POF1B: variants seen among roughly 807,000 people sequenced by gnomAD.
POF1B encodes the protein protein POF1B.
In POF1B, 53 loss-of-function variants were observed where a neutral mutation model predicts 55.3. The ratio of observed to expected loss-of-function variants is 0.96; its 90% CI spans 0.77 to 1.20. The LOEUF is 1.20. Among genes scored for constraint, POF1B ranks in the 50% most tolerant of loss-of-function variants. The pLI, the probability that POF1B is intolerant of heterozygous loss-of-function variation, is 0.00. For missense variants in POF1B, 478 were observed against 420.5 expected (o/e 1.14, Z -1.20); for synonymous variants, 188 against 148.3 (o/e 1.27, Z -1.95).
At chrX:85,315,108 T>C (rs1242148728) in intron 8 of POF1B, among the ~76,000 whole-genome samples, 2 of 111,572 alleles carry the variant, frequency 1.8e-5, no homozygotes, top group Non-Finnish European at 3.8e-5. Flanking sequence ...GAATGCAGTA[T>C]GCCAGTACAC....
intron 7 of POF1B, among the ~76,000 whole-genome samples, chrX:85,324,053 A>G (rs1390914635): frequency 9.0e-6 from 1 of 111,353 alleles, no homozygotes; most frequent in Non-Finnish European, 1.9e-5. Context: ...ATCAATTTCT[A>G]TTTTTATTGC....
intron 15 of POF1B, among the ~76,000 whole-genome samples, chrX:85,284,186 C>A (rs1931979551): frequency 2.7e-5 from 3 of 111,699 alleles, no homozygotes; most frequent in African/African-American, 3.3e-5. Flanking sequence ...ACAGTCCATG[C>A]TCATGGGTAG....
chrX:85,282,141 C>A, intron 16 of POF1B, 62 bp downstream of exon 16: 2 of 1,046,953 alleles, frequency 1.9e-6, no homozygotes, highest in Non-Finnish European at 2.5e-6. Context: ...TATTTTACCT[C>A]AATTTTAAAA....
chrX:85,292,541 T>A (rs867419707), intron 15 of POF1B, among the ~76,000 whole-genome samples: 2 of 111,911 alleles, frequency 1.8e-5, no homozygotes, highest in Non-Finnish European at 3.8e-5. Flanking sequence ...TTTGGTAGAA[T>A]TCAGCTGCGA....
chrX:85,339,661 G>A (rs984308327), intron 6 of POF1B, among the ~76,000 whole-genome samples: 1 of 110,825 alleles, frequency 9.0e-6, no homozygotes, highest in Non-Finnish European at 1.9e-5. Context: ...TGAGTAGTGA[G>A]AATATAGCAT....
intron 6 of POF1B, among the ~76,000 whole-genome samples, chrX:85,332,762 G>A (rs1933001897): frequency 9.0e-6 from 1 of 111,415 alleles, no homozygotes. Flanking sequence ...CACAAAAAAA[G>A]TGTAGTATCA....
intron 6 of POF1B, among the ~76,000 whole-genome samples, chrX:85,334,319 G>T (rs1343986415): frequency 9.0e-6 from 1 of 110,876 alleles, no homozygotes; most frequent in African/African-American, 3.3e-5. Context: ...ATACTCATCT[G>T]CCTGATGAAT....
At chrX:85,303,589 C>A in intron 14 of POF1B, 101 bp from the exon 15 acceptor site, 1 of 561,931 alleles carries the variant, frequency 1.8e-6, no homozygotes, top group Non-Finnish European at 2.8e-6. Context: ...TGATTATACC[C>A]CCTCCCTTTT....
At chrX:85,333,787 A>C (rs781195465) in intron 6 of POF1B, among the ~76,000 whole-genome samples, 1 of 111,145 alleles carries the variant, frequency 9.0e-6, no homozygotes, top group South Asian at 3.7e-4. Flanking sequence ...AATAATGTCC[A>C]TCAGATTCTC....
intron 15 of POF1B, among the ~76,000 whole-genome samples, chrX:85,296,583 G>GT (rs1321559527): frequency 2.7e-5 from 3 of 111,972 alleles, no homozygotes; most frequent in Non-Finnish European, 3.8e-5. Context: ...TTTCTGGCTT[G>GT]TAAGTTTTCT....
At chrX:85,359,038 T>C (rs1336771718) in intron 4 of POF1B, among the ~76,000 whole-genome samples, 3 of 111,016 alleles carry the variant, frequency 2.7e-5, no homozygotes, top group African/African-American at 9.8e-5. Context: ...AAAAATGTAA[T>C]TTTCTAAAAA....
chrX:85,292,847 A>T (rs1293879996), intron 15 of POF1B, among the ~76,000 whole-genome samples: 1 of 70,067 alleles, frequency 1.4e-5, no homozygotes, highest in Non-Finnish European at 2.6e-5. Flanking sequence ...ACAACCCTGT[A>T]AAAAAAAAAA....
At chrX:85,305,108 A>C (rs1443440507) in intron 13 of POF1B, among the ~76,000 whole-genome samples, 1 of 111,359 alleles carries the variant, frequency 9.0e-6, no homozygotes, top group Non-Finnish European at 1.9e-5. Context: ...AAGTATTGGT[A>C]GGTTTGGAAA....
chrX:85,291,720 C>A (rs1212407996), intron 15 of POF1B, among the ~76,000 whole-genome samples: 4 of 108,108 alleles, frequency 3.7e-5, no homozygotes, highest in African/African-American at 1.3e-4. Context: ...TCGCTCTCTG[C>A]TTGACTTTTG....
At chrX:85,335,537 G>A (rs1419143118) in intron 6 of POF1B, among the ~76,000 whole-genome samples, 6 of 109,623 alleles carry the variant, frequency 5.5e-5, no homozygotes, top group Non-Finnish European at 9.6e-5. Flanking sequence ...TAAATAATTG[G>A]TCTCCTTATT....
At chrX:85,286,798 T>A (rs1046875944) in intron 15 of POF1B, among the ~76,000 whole-genome samples, 10 of 111,336 alleles carry the variant, frequency 9.0e-5, no homozygotes, top group Non-Finnish European at 1.5e-4. Flanking sequence ...TCCTAAATGT[T>A]TATGTACCCT....
chrX:85,315,105 G>T (rs1932775047), intron 8 of POF1B, among the ~76,000 whole-genome samples: 1 of 111,465 alleles, frequency 9.0e-6, no homozygotes. Context: ...AATGAATGCA[G>T]TATGCCAGTA....
chrX:85,326,075 G>T (rs181403012), intron 7 of POF1B, among the ~76,000 whole-genome samples: 105 of 111,681 alleles, frequency 9.4e-4, no homozygotes, highest in African/African-American at 3.3e-3. Flanking sequence ...TTCCTGGACC[G>T]CTGGTCACAA....
rs1490235634 is a variant in POF1B at position 85,299,327 on chromosome X, C to T, written c.1649+4079G>A. On this transcript the variant is annotated intron_variant, in intron 15 of 16. Coordinates refer to ENST00000262753, the MANE Select transcript of POF1B (RefSeq NM_024921.4). ...TTTTTGAGACGGAGTCTCGCTCTGT[C>T]GCCCAGGCTGGAGTGCAGTGGCTCG... Among the ~76,000 whole-genome samples, 7 of 99,900 alleles carry T rather than the reference C, an allele frequency of 7.0e-5. No individual in the cohort carries two copies. The East Asian group carries it at 1.6e-3, about 23-fold the overall frequency. 86.8% of individuals were successfully genotyped at this position (99,900 alleles called of 115,157 possible).
Sources: allele counts gnomAD v4.1 joint callset (sites outside exome capture counted in the v4.1 genomes callset), GRCh38; gene constraint gnomAD v4.1.1; transcripts MANE v1.5; gene names NCBI Gene and HGNC (gene_info 2026-07-23, HGNC 2026-07-21).